Variants in MTMR7 observed in about 807,000 individuals in gnomAD.
MTMR7 encodes myotubularin related protein 7, also known as phosphatidylinositol-3-phosphate phosphatase MTMR7.
In MTMR7, 76 loss-of-function variants were observed where a neutral mutation model predicts 81.2. That is an observed-to-expected ratio of 0.94 (90% CI 0.78 to 1.13). The LOEUF is 1.13. Among genes scored for constraint, MTMR7 ranks in the 50% most tolerant of loss-of-function variants. The pLI, the probability that MTMR7 is intolerant of heterozygous loss-of-function variation, is 0.00. For missense variants in MTMR7, 1,044 were observed against 820.0 expected, an observed-to-expected ratio of 1.27 and a Z score of -3.34; for synonymous variants, 372 against 289.8, an observed-to-expected ratio of 1.28 and a Z score of -2.88.
At chr8:17,365,331 T>C (rs752447625) in intron 3 of MTMR7, among the ~76,000 whole-genome samples, 2 of 152,234 alleles carry the variant, frequency 1.3e-5, no homozygotes, top group Non-Finnish European at 2.9e-5. Context: ...TTATCAGGTA[T>C]ATGGCTTCCA....
chr8:17,378,692 C>G (rs28499061), intron 1 of MTMR7, among the ~76,000 whole-genome samples: 2 of 152,056 alleles, frequency 1.3e-5, no homozygotes, highest in African/African-American at 2.4e-5. Context: ...AGATATTACA[C>G]TATATTATTA....
At chr8:17,367,767 G>A (rs189364339) in intron 3 of MTMR7, among the ~76,000 whole-genome samples, 1 of 151,926 alleles carries the variant, frequency 6.6e-6, no homozygotes, top group South Asian at 2.1e-4. Context: ...TAGTTACACC[G>A]GTTCTAAAAC....
At chr8:17,365,363 T>G (rs1022773247) in intron 3 of MTMR7, among the ~76,000 whole-genome samples, 1 of 152,344 alleles carries the variant, frequency 6.6e-6, no homozygotes, top group Non-Finnish European at 1.5e-5. Context: ...CAATTTCCTT[T>G]GTTATGCAGA....
intron 4 of MTMR7, among the ~76,000 whole-genome samples, chr8:17,355,679 A>G (rs531508355): frequency 2.3e-4 from 35 of 152,318 alleles, no homozygotes; most frequent in Middle Eastern, 3.4e-3. Context: ...CTGAGACAAG[A>G]TATCTGCAAG....
intron 6 of MTMR7, among the ~76,000 whole-genome samples, chr8:17,340,334 C>A (rs1459571554): frequency 1.3e-5 from 2 of 152,236 alleles, no homozygotes; most frequent in African/African-American, 4.8e-5. Flanking sequence ...CCTCTGCTTA[C>A]CATACAAGGA....
chr8:17,389,315 A>G (rs1391824178), intron 1 of MTMR7, among the ~76,000 whole-genome samples: 1 of 152,198 alleles, frequency 6.6e-6, no homozygotes, highest in African/African-American at 2.4e-5. Context: ...CCATTACCAC[A>G]ATCATATTCT....
intron 5 of MTMR7, among the ~76,000 whole-genome samples, chr8:17,346,478 G>C (rs74913681): frequency 2.0e-5 from 3 of 152,078 alleles, no homozygotes; most frequent in Non-Finnish European, 2.9e-5. Context: ...TTCAGGCCTG[G>C]AGGTTCAGTA....
chr8:17,346,870 T>G (rs1277582265), intron 5 of MTMR7, among the ~76,000 whole-genome samples: 1 of 139,300 alleles, frequency 7.2e-6, no homozygotes, highest in Non-Finnish European at 1.5e-5. Flanking sequence ...CTATCTCTAT[T>G]TATCCTATCT....
intron 3 of MTMR7, among the ~76,000 whole-genome samples, chr8:17,362,498 C>T (rs1007088395): frequency 6.6e-6 from 1 of 152,146 alleles, no homozygotes; most frequent in Non-Finnish European, 1.5e-5. Flanking sequence ...ATTTTACCGA[C>T]GAGAAATCTG....
At chr8:17,378,382 C>A (rs1031440161) in intron 1 of MTMR7, among the ~76,000 whole-genome samples, 1 of 152,176 alleles carries the variant, frequency 6.6e-6, no homozygotes, top group Non-Finnish European at 1.5e-5. Context: ...TATACTAAGA[C>A]GTTGAAAACG....
At chr8:17,311,391 T>C in intron 9 of MTMR7, 120 bp downstream of exon 9, 1 of 1,311,826 alleles carries the variant, frequency 7.6e-7, no homozygotes, top group Non-Finnish European at 1.1e-6. Context: ...TTAATCTTGC[T>C]GAGCTACTAA....
intron 7 of MTMR7, among the ~76,000 whole-genome samples, chr8:17,314,998 G>A (rs1671628264): frequency 6.6e-6 from 1 of 151,646 alleles, no homozygotes; most frequent in African/African-American, 2.4e-5. Context: ...TACACACAAT[G>A]ATTCACAGAA....
chr8:17,334,429 AG>A (rs1389388811), intron 6 of MTMR7, among the ~76,000 whole-genome samples: 1 of 152,236 alleles, frequency 6.6e-6, no homozygotes, highest in African/African-American at 2.4e-5. Flanking sequence ...TATGCATTTC[AG>A]GTCCTAAAAG....
intron 10 of MTMR7, 75 bp from the exon 11 acceptor site, chr8:17,306,032 C>G: frequency 8.3e-7 from 1 of 1,203,102 alleles, no homozygotes; most frequent in Non-Finnish European, 1.2e-6. Context: ...GCAAAAACAA[C>G]CATAAAAGCA....
At chr8:17,373,358 C>T (rs778971922) in intron 1 of MTMR7, 118 bp from the exon 2 acceptor site, 75 of 1,292,034 alleles carry the variant, frequency 5.8e-5, no homozygotes, top group Non-Finnish European at 7.4e-5. Context: ...AGAATTCCCC[C>T]AATAATAAAA....
At chr8:17,363,607 T>G (rs1820123140) in intron 3 of MTMR7, among the ~76,000 whole-genome samples, 1 of 152,138 alleles carries the variant, frequency 6.6e-6, no homozygotes, top group Admixed American at 6.5e-5. Context: ...TTTCCCTTTT[T>G]TAAGGAAAAG....
intron 7 of MTMR7, among the ~76,000 whole-genome samples, chr8:17,329,911 T>G (rs1818907661): frequency 6.6e-6 from 1 of 152,138 alleles, no homozygotes; most frequent in Admixed American, 6.6e-5. Context: ...GTACAGAAGA[T>G]GGAAATGGCT....
intron 3 of MTMR7, 98 bp from the exon 4 acceptor site, chr8:17,361,372 GCCAT>G: frequency 7.3e-7 from 1 of 1,365,684 alleles, no homozygotes; most frequent in Non-Finnish European, 1.0e-6. Context: ...GCCCAGAGAG[GCCAT>G]CCCAACCCCC....
intron 6 of MTMR7, among the ~76,000 whole-genome samples, chr8:17,334,582 G>A (rs908457049): frequency 2.6e-5 from 4 of 152,234 alleles, no homozygotes; most frequent in African/African-American, 9.6e-5. Context: ...GATAATATCA[G>A]TGTCTTTGGG....
Sources: allele counts gnomAD v4.1 joint callset (sites outside exome capture counted in the v4.1 genomes callset), GRCh38; gene constraint gnomAD v4.1.1; transcripts MANE v1.5; gene names NCBI Gene and HGNC (gene_info 2026-07-23, HGNC 2026-07-21).